SLC7A5: variants seen among roughly 807,000 people sequenced by gnomAD.
SLC7A5 encodes the protein solute carrier family 7 member 5, also known as large neutral amino acids transporter small subunit 1.
A neutral mutation model predicts 50.2 loss-of-function variants in SLC7A5; 23 were observed. The observed-to-expected ratio is 0.46, with a 90% CI of 0.33 to 0.65. The LOEUF (loss-of-function observed/expected upper bound fraction) is 0.65, where lower values mean the gene tolerates loss of function less well. Among genes scored for constraint, SLC7A5 ranks in the 30% least tolerant of loss-of-function variants. SLC7A5 has a pLI of 0.02. For missense variants in SLC7A5, 578 were observed against 684.4 expected, an observed-to-expected ratio of 0.84 and a Z score of 1.73; for synonymous variants, 393 against 330.6, an observed-to-expected ratio of 1.19 and a Z score of -2.05.
chr16:87,854,838 G>A (rs2055294935), intron 1 of SLC7A5, among the ~76,000 whole-genome samples: 1 of 152,244 alleles, frequency 6.6e-6, no homozygotes, highest in African/African-American at 2.4e-5. Flanking sequence ...AGGGGCTCCA[G>A]AGGAGCTGGG....
In SLC7A5 at chr16:87,853,954, G is replaced by A. The variant is rs77250474; in HGVS notation, c.539-2105C>T. 0.25 allele frequency: 38,781 copies of A among 152,584 alleles called. 5,890 individuals are homozygous for A. The highest frequency in any genetic ancestry group is 0.41 in the African/African-American group (16,849 of 41,460). 9.5% of individuals were successfully genotyped at this position (152,584 alleles called of 1,614,324 possible). A position where few individuals can be genotyped will look rare whatever the true frequency, so the allele number is the denominator to read the frequency against. On this transcript the variant is annotated intron_variant, in intron 1 of 9. Transcript: ENST00000261622. This position sits in a 1 kb window ranked among gnomAD's most constrained non-coding sequence, Gnocchi z 4.4. Reference sequence around the variant, plus strand: ...GCTAGGGGGTTGGGGGGTCCAGGAAGGGCAGCGAGTTGCCCAGAATTGCCC... The same window carrying A: ...GCTAGGGGGTTGGGGGGTCCAGGAAAGGCAGCGAGTTGCCCAGAATTGCCC...
In SLC7A5 at chr16:87,833,630, G is replaced by A. The variant is rs1231403114; in HGVS notation, c.1469-605C>T. Among the ~76,000 whole-genome samples, 1 of 144,378 alleles carries A rather than the reference G, an allele frequency of 6.9e-6. No homozygotes were observed. Among genetic ancestry groups the A allele is most frequent in the East Asian group, 1.9e-4 (1 of 5,196 alleles). 94.7% of individuals were successfully genotyped at this position (144,378 alleles called of 152,430 possible). The stretch of plus-strand genomic sequence containing the variant: ...CCATGACCCTGGCGGTGATCAGAGT[G>A]TGGGGTAGGGGTGGGGGGTCTCCCT... On this transcript the variant is annotated intron_variant, in intron 9 of 9. Transcript: ENST00000261622. The surrounding 1 kb of genome is among the most constrained non-coding windows in gnomAD (Gnocchi z 6.0).
chr16:87,850,221 G>T (rs1040509869), intron 2 of SLC7A5, among the ~76,000 whole-genome samples: 9 of 152,212 alleles, frequency 5.9e-5, no homozygotes, highest in African/African-American at 2.2e-4. Flanking sequence ...GCGGGGCACT[G>T]TTCAGTTCAC....
intron 2 of SLC7A5, among the ~76,000 whole-genome samples, chr16:87,849,055 G>C (rs1328101384): frequency 6.6e-6 from 1 of 152,244 alleles, no homozygotes; most frequent in African/African-American, 2.4e-5. Context: ...GCAGGAACAG[G>C]TGCGTGGGCC....
intron 1 of SLC7A5, among the ~76,000 whole-genome samples, chr16:87,857,638 G>T (rs1232825588): frequency 6.6e-6 from 1 of 152,208 alleles, no homozygotes; most frequent in Non-Finnish European, 1.5e-5. Context: ...CAGAGCACAA[G>T]GCCCCACCTT....
At chr16:87,845,697 C>A (rs546371265) in intron 2 of SLC7A5, among the ~76,000 whole-genome samples, 5 of 152,202 alleles carry the variant, frequency 3.3e-5, no homozygotes, top group Non-Finnish European at 7.3e-5. Flanking sequence ...CAGTGTCTGT[C>A]GGTCTTGGAA....
Position 87,852,518 on chromosome 16 carries a change from C to T in SLC7A5, c.539-669G>A, listed in dbSNP as rs2055243675. Among the ~76,000 whole-genome samples, 2 of 152,166 alleles carry T rather than the reference C, an allele frequency of 1.3e-5. No individual in the cohort carries two copies. Among genetic ancestry groups the T allele is most frequent in the African/African-American group, 4.8e-5 (2 of 41,434 alleles). On this transcript the variant is annotated intron_variant, in intron 1 of 9. Transcript: ENST00000261622. This position sits in a 1 kb window ranked among gnomAD's most constrained non-coding sequence, Gnocchi z 4.5. ...TGCTTCAGAAGCCTGAGTGACCCCACACAGATGGCCAGAACGCCTGCCCCA... is the reference window on the plus strand; with the variant it reads ...TGCTTCAGAAGCCTGAGTGACCCCATACAGATGGCCAGAACGCCTGCCCCA...
At position 87,841,768 on chromosome 16, in the gene SLC7A5, G is replaced by T. The variant is rs2055086064; in HGVS notation, c.665-613C>A. Among the ~76,000 whole-genome samples the T allele has an allele frequency of 6.6e-6, 1 of 152,268 alleles. No homozygotes were observed. The highest frequency in any genetic ancestry group is 6.5e-5 in the Admixed American group (1 of 15,288). The stretch of plus-strand genomic sequence containing the variant: ...GAGAACGATCCCCGTGCTGTGTGCA[G>T]AGCTCTCTCCTTTGCCCTCTGAGGA... On this transcript the variant is annotated intron_variant, in intron 2 of 9. Coordinates refer to ENST00000261622, the MANE Select transcript of SLC7A5 (RefSeq NM_003486.7). This position sits in a 1 kb window ranked among gnomAD's most constrained non-coding sequence, Gnocchi z 4.8.
rs537208699 is a variant in SLC7A5, at chr16:87,846,473, C to T, written c.664+5251G>A. 5.8e-4 allele frequency among the ~76,000 whole-genome samples: 89 copies of T among 152,374 alleles called. 1 individual carries two copies. The highest frequency in any genetic ancestry group is 5.2e-3 in the South Asian group (25 of 4,830). On this transcript the variant is annotated intron_variant, in intron 2 of 9. Coordinates refer to ENST00000261622, the MANE Select transcript of SLC7A5 (RefSeq NM_003486.7). ...GTCCCCCAAAACTCAGACGTGGAAG[C>T]CCTAACCCCGGTGTGGCTGTACGTG...
At chr16:87,868,438 G>A (rs1175890430) in intron 1 of SLC7A5, among the ~76,000 whole-genome samples, 1 of 152,206 alleles carries the variant, frequency 6.6e-6, no homozygotes, top group Non-Finnish European at 1.5e-5. Context: ...GAGCTGGTGT[G>A]GAGAGCAGAA....
chr16:87,851,501 C>A (rs2055222274), intron 2 of SLC7A5, among the ~76,000 whole-genome samples: 1 of 152,238 alleles, frequency 6.6e-6, no homozygotes, highest in South Asian at 2.1e-4. Context: ...ACTGCCAGAG[C>A]CCCTCCCAGT....
intron 8 of SLC7A5, 67 bp from the exon 9 acceptor site, chr16:87,834,658 T>G: frequency 7.3e-6 from 11 of 1,506,216 alleles, no homozygotes; most frequent in African/African-American, 1.4e-5. Flanking sequence ...TGCCCCGAGG[T>G]TCCTCAGCCC....
chr16:87,836,689 G>A lies in SLC7A5; in HGVS notation c.1141-42C>T, dbSNP rs753669591. 6 of 1,605,334 alleles carry A rather than the reference G, an allele frequency of 3.7e-6. No homozygotes were observed. The Admixed American group carries it at 5.0e-5, about 13-fold the overall frequency. On this transcript the variant is annotated intron_variant, in intron 7 of 9. Transcript: ENST00000261622. ...GCTGGCTGAGCCCTGGGGCCCACGAGCAGGGCTGTGGACGGCCGTGGTGGC... is the reference window on the plus strand; with the variant it reads ...GCTGGCTGAGCCCTGGGGCCCACGAACAGGGCTGTGGACGGCCGTGGTGGC...
At chr16:87,846,753 T>C (rs925204586) in intron 2 of SLC7A5, among the ~76,000 whole-genome samples, 1 of 152,192 alleles carries the variant, frequency 6.6e-6, no homozygotes, top group African/African-American at 2.4e-5. Context: ...CCTCTGAAGC[T>C]GAGACCCACC....
At chr16:87,866,098 G>C (rs978252157) in intron 1 of SLC7A5, among the ~76,000 whole-genome samples, 13 of 152,254 alleles carry the variant, frequency 8.5e-5, no homozygotes, top group Middle Eastern at 3.4e-3. Flanking sequence ...GGGTTCTATG[G>C]GGGGGCGGGG....
intron 1 of SLC7A5, among the ~76,000 whole-genome samples, chr16:87,855,124 G>A (rs2055299049): frequency 6.6e-6 from 1 of 152,230 alleles, no homozygotes; most frequent in Non-Finnish European, 1.5e-5. Context: ...CACGCAGGAG[G>A]GATTGGGGAC....
At chr16:87,845,382 G>C (rs2055138716) in intron 2 of SLC7A5, among the ~76,000 whole-genome samples, 1 of 152,124 alleles carries the variant, frequency 6.6e-6, no homozygotes, top group Non-Finnish European at 1.5e-5. Flanking sequence ...CGCCACATGG[G>C]TTCAGTCCAG....
At position 87,853,094 on chromosome 16, in the gene SLC7A5, C is replaced by T. The variant is rs556531115; in HGVS notation, c.539-1245G>A. Among the ~76,000 whole-genome samples, 5 of 151,936 alleles carry T rather than the reference C, an allele frequency of 3.3e-5. No homozygotes were observed. The East Asian group carries it at 5.8e-4, about 18-fold the overall frequency. ...AGGAAGGTGAGAGCATCAGAAAGGC[C>T]GTGGGCTCCTCTTCTCTCTTTCCCC... is the stretch of plus-strand genomic sequence containing the variant. On this transcript the variant is annotated intron_variant, in intron 1 of 9. Transcript: ENST00000261622. The surrounding 1 kb of genome is among the most constrained non-coding windows in gnomAD (Gnocchi z 4.4).
rs760768035 is a variant in SLC7A5 at position 87,837,917 on chromosome 16, T to C, written c.1068A>G (p.Glu356=). 6.2e-7 allele frequency: 1 copy of C among 1,607,158 alleles called. No homozygotes were observed. Among genetic ancestry groups the C allele is most frequent in the Non-Finnish European group, 8.5e-7 (1 of 1,177,928 alleles). The change falls in exon 7 of 10, where the codon GAA becomes GAG. Residue 356 remains glutamate (E), a synonymous_variant. Coordinates refer to ENST00000261622, the MANE Select transcript of SLC7A5 (RefSeq NM_003486.7). ...SSRLFFVGSR[E]GHLPSILSMI... ...TGGAGAGGATGGAGGGCAGGTGGCC[T>C]TCCCGGGACCCCACGAAGAAGAGCC...
Sources: allele counts gnomAD v4.1 joint callset (sites outside exome capture counted in the v4.1 genomes callset), GRCh38; gene constraint gnomAD v4.1.1; non-coding constraint Gnocchi (gnomAD v3.1); transcripts MANE v1.5; gene names NCBI Gene and HGNC (gene_info 2026-07-23, HGNC 2026-07-21).